The following DYSF variants were observed in gnomAD, a reference collection of about 807,000 sequenced individuals.
DYSF encodes the protein dystrophy-associated fer-1-like 1.
Under a neutral mutation model 274.9 loss-of-function variants are expected in DYSF, and 212 were observed. The observed-to-expected ratio is 0.77, with a 90% confidence interval of 0.69 to 0.86. DYSF has a LOEUF of 0.86. Ranked by LOEUF, DYSF falls within the 40% of genes least tolerant of loss-of-function variation. The probability of loss-of-function intolerance (pLI) is 0.00; values close to 1 mark genes in which losing one functional copy is unlikely to be tolerated. For missense variants in DYSF, 2,666 were observed against 2,783.2 expected (o/e 0.96, Z 0.95); for synonymous variants, 1,091 against 1,078.7 (o/e 1.01, Z -0.22).
At chr2:71,569,350 G>C (rs920096249) in intron 26 of DYSF, among the ~76,000 whole-genome samples, 2 of 152,066 alleles carry the variant, frequency 1.3e-5, no homozygotes, top group African/African-American at 4.8e-5. Context: ...GATCCACGTG[G>C]TCCTTCTCCA....
chr2:71,606,243 G>A (rs1369210715), intron 36 of DYSF, among the ~76,000 whole-genome samples: 2 of 152,136 alleles, frequency 1.3e-5, no homozygotes, highest in Admixed American at 1.3e-4. Flanking sequence ...AGCTTCACTT[G>A]TTCTTGGGGT....
Position 71,513,885 on chromosome 2 carries a change from T to C in DYSF, c.723T>C (p.Ser241=). 6.2e-7 allele frequency: 1 copy of C among 1,614,190 alleles called. No individual in the cohort carries two copies. The highest frequency in any genetic ancestry group is 8.5e-7 in the Non-Finnish European group (1 of 1,180,038). ...GIKRKRSAPT[S]RKLLSDKPQD... is the part of the protein sequence containing the mutation. ...AAAGAAAGCGAAGTGCGCCTACATC[T>C]AGAAAGCTGCTGTCAGACAAACCGC... Residue 241 remains serine, a synonymous_variant, in exon 7 of 56, where the codon TCT becomes TCC. Transcript: ENST00000410020.
Position 71,503,223 on chromosome 2 carries a change from G to C in DYSF, c.249G>C (p.Gly83=), listed in dbSNP as rs550993602. Residue 83 remains glycine (G), a synonymous_variant, in exon 4 of 56, where the codon GGG becomes GGC. Coordinates refer to ENST00000410020, the MANE Select transcript of DYSF (RefSeq NM_001130987.2). ...HETMGRNRFL[G]EAKVPLREVL... The stretch of plus-strand genomic sequence containing the variant: ...TTCTCTCTCCTCTCAGGTTCCTGGG[G>C]GAAGCCAAGGTCCCACTCCGAGAGG... 44 of 1,614,030 alleles carry C rather than the reference G, an allele frequency of 2.7e-5. No homozygotes were observed. The East Asian group carries it at 8.2e-4, about 30-fold the overall frequency.
chr2:71,467,049 C>G, intron 1 of DYSF, 116 bp downstream of exon 1: 1 of 1,409,276 alleles, frequency 7.1e-7, no homozygotes, highest in South Asian at 1.4e-5. Flanking sequence ...ACAGTTTCTC[C>G]CTTTGTCAGC....
chr2:71,492,479 A>G (rs1339513572), intron 3 of DYSF, among the ~76,000 whole-genome samples: 2 of 152,180 alleles, frequency 1.3e-5, no homozygotes, highest in African/African-American at 4.8e-5. Context: ...CAATACATAT[A>G]TAGTTTTAAT....
intron 41 of DYSF, among the ~76,000 whole-genome samples, chr2:71,628,429 A>G (rs1000894745): frequency 5.4e-5 from 8 of 149,402 alleles, no homozygotes; most frequent in Admixed American, 5.4e-4. Flanking sequence ...TTTTTTTTTT[A>G]ATATCCGTCA....
rs750763703 is a variant in DYSF, at chr2:71,598,570, A to G, written c.3581A>G (p.Tyr1194Cys). 1 of 1,614,012 alleles carries G rather than the reference A, an allele frequency of 6.2e-7. No individual in the cohort carries two copies. The highest frequency in any genetic ancestry group is 1.3e-5 in the African/African-American group (1 of 74,904). Residue 1194 changes from tyrosine (Y) to cysteine (C), a missense_variant, in exon 33 of 56, where the codon TAT (tyrosine) becomes TGT (cysteine). By Grantham distance (194) the Tyr-to-Cys change is radical (BLOSUM62 -2). Around this residue, in one of 3 missense-constraint regions of DYSF, gnomAD observed 1,460 missense variants for 1,502.1 expected, o/e 0.97. Transcript: ENST00000410020. ...CCCTCTCCGGCCCATGCAGATCCCT[A>G]TGCCATCGTCTCCTTCCTGCACCAG... is the stretch of plus-strand genomic sequence containing the variant. ...AMDKDSFSDP[Y>C]AIVSFLHQSQ...
At chr2:71,614,546 G>C (rs1304923487) in intron 40 of DYSF, among the ~76,000 whole-genome samples, 2 of 152,154 alleles carry the variant, frequency 1.3e-5, no homozygotes, top group East Asian at 3.8e-4. Context: ...CGCTTCTTTG[G>C]GGGAGTCTTT....
At chr2:71,679,379 T>C (rs1326383130) in intron 53 of DYSF, 144 bp downstream of exon 53, 5 of 851,404 alleles carry the variant, frequency 5.9e-6, no homozygotes, top group Middle Eastern at 3.5e-4. Context: ...CCCCTCTCTC[T>C]CTATTTTCCA....
intron 9 of DYSF, 79 bp from the exon 10 acceptor site, chr2:71,516,910 G>A: frequency 1.6e-6 from 2 of 1,284,466 alleles, no homozygotes; most frequent in Non-Finnish European, 2.3e-6. Flanking sequence ...GTTATTGTTT[G>A]GGAGGGAAGA....
intron 12 of DYSF, among the ~76,000 whole-genome samples, chr2:71,524,954 G>A (rs2087695737): frequency 6.6e-6 from 1 of 152,234 alleles, no homozygotes; most frequent in Admixed American, 6.5e-5. Flanking sequence ...CAACATCTGT[G>A]GGCAAGCAGC....
At chr2:71,550,028 G>A (rs557399432) in intron 17 of DYSF, among the ~76,000 whole-genome samples, 2 of 152,182 alleles carry the variant, frequency 1.3e-5, no homozygotes, top group East Asian at 1.9e-4. Flanking sequence ...GCAGGGGCTC[G>A]ACTCACAGTG....
At chr2:71,458,413 G>T (rs1325650705) in intron 1 of DYSF, among the ~76,000 whole-genome samples, 3 of 152,074 alleles carry the variant, frequency 2.0e-5, no homozygotes, top group African/African-American at 7.2e-5. Context: ...GTCCTGCCAG[G>T]CTGGACACAA....
intron 24 of DYSF, 108 bp from the exon 25 acceptor site, chr2:71,567,835 AGTGAGGGT>A (rs2092194103): frequency 3.4e-6 from 5 of 1,467,284 alleles, no homozygotes; most frequent in Non-Finnish European, 4.6e-6. Context: ...GGACACTCCC[AGTGAGGGT>A]GTCAGCCTGC....
intron 41 of DYSF, among the ~76,000 whole-genome samples, chr2:71,625,692 A>T (rs1484270732): frequency 6.6e-6 from 1 of 152,150 alleles, no homozygotes. Context: ...CTTAAAAAAA[A>T]GTTGAGATTT....
intron 41 of DYSF, among the ~76,000 whole-genome samples, chr2:71,636,238 G>A (rs1436817309): frequency 6.6e-6 from 1 of 152,190 alleles, no homozygotes; most frequent in East Asian, 1.9e-4. Context: ...GGAGGGATTT[G>A]CACAGAGGGT....
chr2:71,514,768 C>A (rs191558663), intron 7 of DYSF, among the ~76,000 whole-genome samples: 1 of 152,264 alleles, frequency 6.6e-6, no homozygotes, highest in East Asian at 1.9e-4. Context: ...CTAGCTCTAA[C>A]CACTGTTTGC....
intron 20 of DYSF, 54 bp from the exon 21 acceptor site, chr2:71,553,753 T>TCCCCCCCCC: frequency 1.2e-4 from 68 of 567,300 alleles, no homozygotes; most frequent in South Asian, 1.6e-4. Flanking sequence ...TAGCACCCCA[T>TCCCCCCCCC]CCCACCCGCC....
In DYSF at chr2:71,567,475, A is replaced by G. The variant is rs181818178; in HGVS notation, c.2566-476A>G. 2.4e-3 allele frequency among the ~76,000 whole-genome samples: 366 copies of G among 152,386 alleles called. 5 individuals are homozygous for G. The highest frequency in any genetic ancestry group is 0.013 in the East Asian group (67 of 5,190). ...ACATTAATTAAAAGTAAATGAAACG[A>G]AAACTTTATCTCCGCAGTCATACTG... On this transcript the variant is annotated intron_variant, in intron 24 of 55. Coordinates refer to ENST00000410020, the MANE Select transcript of DYSF (RefSeq NM_001130987.2).
Sources: allele counts gnomAD v4.1 joint callset (sites outside exome capture counted in the v4.1 genomes callset), GRCh38; gene constraint gnomAD v4.1.1; regional missense constraint gnomAD v4.1.1; transcripts MANE v1.5; gene names NCBI Gene and HGNC (gene_info 2026-07-23, HGNC 2026-07-21).